Variants in SPMAP1 observed in about 807,000 individuals in gnomAD.
SPMAP1 encodes the protein uncharacterized protein C17orf98.
the SPMAP1 span, chr17:38,841,207 C>T: frequency 1.9e-6 from 3 of 1,614,058 alleles, no homozygotes; most frequent in African/African-American, 4.0e-5. Flanking sequence ...GCAAAAGGGG[C>T]GGAACCACGT....
the SPMAP1 span, among the ~76,000 whole-genome samples, chr17:38,839,799 C>CA: frequency 6.6e-4 from 98 of 149,442 alleles, no homozygotes; most frequent in African/African-American, 2.3e-3. Context: ...GACTCCGTCT[C>CA]AAAAAAAAAT....
the SPMAP1 span, among the ~76,000 whole-genome samples, chr17:38,839,480 AAAG>A: frequency 6.8e-6 from 1 of 147,962 alleles, no homozygotes; most frequent in Non-Finnish European, 1.5e-5. Flanking sequence ...AAAAAAAAAA[AAAG>A]AAAAGAAAAG....
chr17:38,841,312 G>C, the SPMAP1 span: 113 of 1,614,082 alleles, frequency 7.0e-5, no homozygotes, highest in Non-Finnish European at 9.2e-5. Flanking sequence ...CATAAGCGCG[G>C]GCAGCGGTGC....
At chr17:38,841,201 A>C in the SPMAP1 span, 1 of 1,613,940 alleles carries the variant, frequency 6.2e-7, no homozygotes, top group Non-Finnish European at 8.5e-7. Context: ...TTTTCCGCAA[A>C]AGGGGCGGAA....
the SPMAP1 span, chr17:38,841,293 T>C: frequency 6.2e-7 from 1 of 1,614,182 alleles, no homozygotes; most frequent in African/African-American, 1.3e-5. Flanking sequence ...AGCTTGGGCC[T>C]AGAGCGCCCA....
chr17:38,835,249 A>C, the SPMAP1 span: 1 of 1,614,188 alleles, frequency 6.2e-7, no homozygotes, highest in East Asian at 2.2e-5. Flanking sequence ...GGAGGGCTGG[A>C]GTGTTCCTGC....
At chr17:38,838,930 C>CA in the SPMAP1 span, among the ~76,000 whole-genome samples, 5 of 151,320 alleles carry the variant, frequency 3.3e-5, no homozygotes, top group African/African-American at 7.3e-5. Flanking sequence ...ACTAAAAATA[C>CA]AAAAAACTAA....
the SPMAP1 span, chr17:38,841,119 G>A: frequency 1.6e-6 from 2 of 1,261,954 alleles, no homozygotes; most frequent in Non-Finnish European, 2.2e-6. Flanking sequence ...AGCCTTCTTT[G>A]TGGTGAGAAC....
the SPMAP1 span, chr17:38,837,349 A>T: frequency 1.3e-6 from 1 of 770,070 alleles, no homozygotes; most frequent in South Asian, 1.4e-5. Flanking sequence ...AAGAGGTCAG[A>T]GCCTTAGGTA....
the SPMAP1 span, among the ~76,000 whole-genome samples, chr17:38,836,071 C>T: frequency 3.3e-5 from 5 of 152,120 alleles, no homozygotes; most frequent in East Asian, 1.9e-4. Flanking sequence ...CCTGCCACCA[C>T]GCCCGGCTAA....
chr17:38,838,596 C>G, the SPMAP1 span, among the ~76,000 whole-genome samples: 1 of 150,422 alleles, frequency 6.6e-6, no homozygotes, highest in African/African-American at 2.4e-5. Context: ...CGAGACTCCA[C>G]CTCAAAAATA....
chr17:38,837,175 T>G, the SPMAP1 span: 1 of 1,613,964 alleles, frequency 6.2e-7, no homozygotes, highest in East Asian at 2.2e-5. Context: ...TGAGGTATCT[T>G]TGTCCTTGCC....
chr17:38,835,745 T>C, the SPMAP1 span, among the ~76,000 whole-genome samples: 1 of 152,166 alleles, frequency 6.6e-6, no homozygotes, highest in Admixed American at 6.5e-5. Context: ...CAAAGTATCA[T>C]GTGACTAGAG....
At chr17:38,837,303 G>A in the SPMAP1 span, 3 of 1,100,294 alleles carry the variant, frequency 2.7e-6, no homozygotes, top group Admixed American at 1.7e-5. Flanking sequence ...GGGGGACACA[G>A]TGCAAACTGC....
At chr17:38,836,705 C>T in the SPMAP1 span, among the ~76,000 whole-genome samples, 1 of 151,306 alleles carries the variant, frequency 6.6e-6, no homozygotes, top group Non-Finnish European at 1.5e-5. Flanking sequence ...GTTCTCCTGC[C>T]TCAGCCTCCC....
chr17:38,837,235 A>G, the SPMAP1 span: 2 of 1,612,478 alleles, frequency 1.2e-6, no homozygotes, highest in Non-Finnish European at 8.5e-7. Flanking sequence ...CTGTACCGCC[A>G]TGATCCTGAA....
chr17:38,835,291 C>G, the SPMAP1 span: 1,479 of 1,614,098 alleles, frequency 9.2e-4, 25 homozygotes, highest in East Asian at 0.025. Flanking sequence ...ACCCATCGAT[C>G]GGTTTCAGAT....
the SPMAP1 span, among the ~76,000 whole-genome samples, chr17:38,836,813 T>C: frequency 6.6e-6 from 1 of 151,772 alleles, no homozygotes. Context: ...CCAGGCTGGT[T>C]TGGAACTCCT....
chr17:38,836,678 C>G, the SPMAP1 span, among the ~76,000 whole-genome samples: 7 of 149,424 alleles, frequency 4.7e-5, no homozygotes, highest in East Asian at 1.4e-3. Flanking sequence ...GCAACCTCCG[C>G]CTCCCGGGTT....
Sources: allele counts gnomAD v4.1 joint callset (sites outside exome capture counted in the v4.1 genomes callset), GRCh38; gene constraint gnomAD v4.1.1; transcripts MANE v1.5; gene names NCBI Gene and HGNC (gene_info 2026-07-23, HGNC 2026-07-21).